Variants in ZNF133 observed in about 807,000 individuals in gnomAD.
The protein encoded by ZNF133 is zinc finger protein 133 (clone pHZ-13).
ZNF133 carries 26 observed loss-of-function variants against 54.9 expected under a neutral mutation model. That is an observed-to-expected ratio of 0.47 (90% CI 0.35 to 0.66). ZNF133 has a LOEUF of 0.66. Ranked by LOEUF, ZNF133 falls within the 30% of genes least tolerant of loss-of-function variation. The pLI, the probability that ZNF133 is intolerant of heterozygous loss-of-function variation, is 0.01. For missense variants in ZNF133, 653 were observed against 820.8 expected, an observed-to-expected ratio of 0.80 and a Z score of 2.50; for synonymous variants, 298 against 320.3, an observed-to-expected ratio of 0.93 and a Z score of 0.74.
chr20:18,306,648 C>T, intron 6 of ZNF133: 1 of 1,210,172 alleles, frequency 8.3e-7, no homozygotes, highest in Non-Finnish European at 1.1e-6. Context: ...CTCTCTAGCT[C>T]ACTCAGTTCT....
In ZNF133 at chr20:18,315,099, C is replaced by T; in HGVS notation, c.248C>T (p.Pro83Leu). 1 of 1,550,852 alleles carries T rather than the reference C, an allele frequency of 6.4e-7. No individual in the cohort carries two copies. Among genetic ancestry groups the T allele is most frequent in the Non-Finnish European group, 8.7e-7 (1 of 1,149,122 alleles). The change falls in exon 7 of 7, where the codon CCT (proline) becomes CTT (leucine). Residue 83 changes from proline (P) to leucine (L), a missense_variant. Pro to Leu is a moderately conservative substitution (Grantham distance 98). Transcript: ENST00000425686. Reference sequence around the variant, plus strand: ...CCAGAGCCAGAGCTCTACCTCGATCCTTTCTGCCCTCCGGGTTTCTCCAGT... The same window carrying T: ...CCAGAGCCAGAGCTCTACCTCGATCTTTTCTGCCCTCCGGGTTTCTCCAGT... The part of the protein sequence containing the change: ...ADPEPELYLD[P>L]FCPPGFSSQK...
chr20:18,316,356 G>T lies in ZNF133; in HGVS notation c.1505G>T (p.Gly502Val). The part of the protein sequence containing the change: ...KPMVCGECGR[G>V]FSQKSNLVAH... ...ATGGTGTGTGGGGAGTGCGGGCGAG[G>T]CTTCAGCCAGAAGTCAAACCTTGTT... is the stretch of plus-strand genomic sequence containing the variant. The change falls in exon 7 of 7, where the codon GGC becomes GTC. Residue 502 changes from glycine (G) to valine (V), a missense_variant. Coordinates refer to ENST00000425686, the MANE Select transcript of ZNF133 (RefSeq NM_001352452.2). The T allele has an allele frequency of 6.2e-7, 1 of 1,614,082 alleles. No individual in the cohort carries two copies.
rs1433295109 is a variant in ZNF133 at position 18,308,110 on chromosome 20, T to C, written c.217+1717T>C. Among the ~76,000 whole-genome samples the C allele has an allele frequency of 2.6e-5, 4 of 152,294 alleles. No homozygotes were observed. The East Asian group carries it at 7.7e-4, about 29-fold the overall frequency. ...CTGTGGGGATAGAATTGGGGAGGGTTGGACAAGGGGCTGCTGAGAATTTTT... is the reference window on the plus strand; with the variant it reads ...CTGTGGGGATAGAATTGGGGAGGGTCGGACAAGGGGCTGCTGAGAATTTTT... On this transcript the variant is annotated intron_variant, in intron 6 of 6. Coordinates refer to ENST00000425686, the MANE Select transcript of ZNF133 (RefSeq NM_001352452.2).
intron 3 of ZNF133, 28 bp from the exon 4 acceptor site, chr20:18,304,980 A>G: frequency 4.1e-6 from 4 of 985,274 alleles, no homozygotes; most frequent in Non-Finnish European, 4.8e-6. Context: ...GCCCTGTCTT[A>G]GAAACCCCTT....
intron 3 of ZNF133, among the ~76,000 whole-genome samples, chr20:18,301,161 A>G (rs539879275): frequency 6.6e-5 from 10 of 152,326 alleles, no homozygotes; most frequent in South Asian, 6.2e-4. Context: ...CGTGAAAATT[A>G]AAGAACATAC....
intron 6 of ZNF133, chr20:18,310,041 G>T (rs1185860810): frequency 4.3e-5 from 41 of 955,058 alleles, no homozygotes; most frequent in Non-Finnish European, 5.4e-5. Context: ...ACAAATATGT[G>T]TTTTCTCAAC....
chr20:18,307,263 G>A (rs959171050), intron 6 of ZNF133, among the ~76,000 whole-genome samples: 2 of 151,886 alleles, frequency 1.3e-5, no homozygotes, highest in Non-Finnish European at 2.9e-5. Context: ...TTTACCTTTG[G>A]TATTATTTTT....
At chr20:18,306,108 G>A (rs2044520830) in intron 5 of ZNF133, among the ~76,000 whole-genome samples, 190 bp from the exon 6 acceptor site, 1 of 152,186 alleles carries the variant, frequency 6.6e-6, no homozygotes, top group African/African-American at 2.4e-5. Context: ...ACTCGGCATG[G>A]AATAGAATCA....
At position 18,305,801 on chromosome 20, in the gene ZNF133, T is replaced by C; in HGVS notation, c.115T>C (p.Ser39Pro). The change falls in exon 5 of 7, where the codon TCA (serine) becomes CCA (proline). Residue 39 changes from serine to proline, a missense_variant. Coordinates refer to ENST00000425686, the MANE Select transcript of ZNF133 (RefSeq NM_001352452.2). This position sits in a 1 kb window ranked among gnomAD's most constrained non-coding sequence, Gnocchi z 4.7. ...GCTGGAGAACTACAGCAACCTGGTC[T>C]CACTGGGTAAGCCTGATATCTGTTA... ...VMLENYSNLV[S>P]LGISFSKPEL... The C allele has an allele frequency of 6.2e-7, 1 of 1,613,146 alleles. No homozygotes were observed. The highest frequency in any genetic ancestry group is 8.5e-7 in the Non-Finnish European group (1 of 1,179,488).
Position 18,316,485 on chromosome 20 carries a change from C to T in ZNF133, c.1634C>T (p.Ser545Leu), listed in dbSNP as rs779258189. The change falls in exon 7 of 7, where the codon TCG (serine) becomes TTG (leucine). Residue 545 changes from serine (S) to leucine (L), a missense_variant. By Grantham distance (145) the Ser-to-Leu change is moderately radical. This residue lies in a region of ZNF133 where 129 missense variants were observed against 138.5 expected (regional missense o/e 0.93). Coordinates refer to ENST00000425686, the MANE Select transcript of ZNF133 (RefSeq NM_001352452.2). ...CTCATCAGGCACAAGCGGAAGCACT[C>T]GAGGGAGAAGCCCTACATGTGCAGG... Reference protein sequence around the residue: ...AGLIRHKRKHSREKPYMCRQC... With the variant: ...AGLIRHKRKHLREKPYMCRQC... The T allele has an allele frequency of 1.2e-6, 2 of 1,614,066 alleles. No individual in the cohort carries two copies. The highest frequency in any genetic ancestry group is 2.2e-5 in the East Asian group (1 of 44,882).
intron 1 of ZNF133, among the ~76,000 whole-genome samples, chr20:18,293,094 T>TA (rs1486014588): frequency 3.3e-5 from 5 of 152,202 alleles, no homozygotes; most frequent in Non-Finnish European, 5.9e-5. Flanking sequence ...GAGGGCGCAG[T>TA]ATGTCAATAA....
At chr20:18,295,195 CCTTT>C (rs2041978380) in intron 1 of ZNF133, 1 of 152,194 alleles carries the variant, frequency 6.6e-6, no homozygotes, top group Non-Finnish European at 1.5e-5. Context: ...GGTGACTTTG[CCTTT>C]CTTATTTCTT....
At chr20:18,304,588 A>G (rs987963163) in intron 3 of ZNF133, among the ~76,000 whole-genome samples, 6 of 152,372 alleles carry the variant, frequency 3.9e-5, no homozygotes, top group Non-Finnish European at 5.9e-5. Flanking sequence ...ATGCTTCTAC[A>G]TGGCTAAATC....
chr20:18,308,495 G>C (rs1479594965), intron 6 of ZNF133, among the ~76,000 whole-genome samples: 6 of 152,006 alleles, frequency 3.9e-5, no homozygotes, highest in Admixed American at 3.9e-4. Context: ...GTTCTATTAG[G>C]TATAGAAAGG....
chr20:18,308,505 G>A (rs1038613793), intron 6 of ZNF133, among the ~76,000 whole-genome samples: 1 of 152,082 alleles, frequency 6.6e-6, no homozygotes, highest in Non-Finnish European at 1.5e-5. Flanking sequence ...GTATAGAAAG[G>A]TTCAGGATAT....
At chr20:18,312,575 G>A (rs984629871) in intron 6 of ZNF133, 3 of 151,888 alleles carry the variant, frequency 2.0e-5, no homozygotes, top group African/African-American at 7.3e-5. Context: ...CTTTCTTATC[G>A]TGCAACCTAA....
chr20:18,292,222 C>T (rs1395875459), intron 1 of ZNF133, among the ~76,000 whole-genome samples: 2 of 152,188 alleles, frequency 1.3e-5, no homozygotes, highest in African/African-American at 4.8e-5. Flanking sequence ...ATCAGTGGAG[C>T]AAATAGAAGG....
intron 1 of ZNF133, among the ~76,000 whole-genome samples, chr20:18,288,949 A>G (rs1013174995): frequency 2.6e-5 from 4 of 152,008 alleles, no homozygotes; most frequent in African/African-American, 7.3e-5. Context: ...CTGATGCCAT[A>G]AGTCCCCGGT....
At chr20:18,302,674 T>G (rs916808711) in intron 3 of ZNF133, among the ~76,000 whole-genome samples, 3 of 152,184 alleles carry the variant, frequency 2.0e-5, no homozygotes, top group Non-Finnish European at 1.5e-5. Flanking sequence ...AACAGAGTAT[T>G]GGAAGTGTTA....
Sources: allele counts gnomAD v4.1 joint callset (sites outside exome capture counted in the v4.1 genomes callset), GRCh38; gene constraint gnomAD v4.1.1; regional missense constraint gnomAD v4.1.1; non-coding constraint Gnocchi (gnomAD v3.1); transcripts MANE v1.5; gene names NCBI Gene and HGNC (gene_info 2026-07-23, HGNC 2026-07-21).